SYNJ1: variants seen among roughly 807,000 people sequenced by gnomAD.
SYNJ1 encodes the protein polyphosphatidylinositol phosphatase SYNJ1.
SYNJ1 carries 78 observed loss-of-function variants against 168.2 expected under a neutral mutation model. The observed-to-expected ratio is 0.46, with a 90% CI of 0.39 to 0.56. The LOEUF (loss-of-function observed/expected upper bound fraction) is 0.56. SYNJ1 is among the 20% of genes least tolerant of loss of function. The pLI is 0.00. For missense variants in SYNJ1, 1,303 were observed against 1,597.6 expected (o/e 0.82, Z 3.14); for synonymous variants, 539 against 548.6 (o/e 0.98, Z 0.24).
Position 32,681,592 on chromosome 21 carries a change from A to C in SYNJ1, c.1257T>G (p.Thr419=), listed in dbSNP as rs76972835. The C allele has an allele frequency of 2.9e-5, 46 of 1,613,924 alleles. No individual in the cohort carries two copies. The African/African-American group carries it at 4.7e-4, about 16-fold the overall frequency. ...TTGACCGAAAAACTTCTTGAAAGCG[A>C]GTCACCAACTGAGGCTTTTCAGCTA... is the stretch of plus-strand genomic sequence containing the variant. The part of the protein sequence containing the change: ...LGLAEKPQLV[T]RFQEVFRSMW... The change falls in exon 11 of 33, where the codon ACT becomes ACG. Residue 419 remains threonine (T), a synonymous_variant. Coordinates refer to ENST00000674351, the MANE Select transcript of SYNJ1 (RefSeq NM_203446.3).
At chr21:32,666,703 G>C (rs1414300568) in intron 15 of SYNJ1, 130 bp from the exon 16 acceptor site, 1 of 948,102 alleles carries the variant, frequency 1.1e-6, no homozygotes, top group Admixed American at 3.8e-5. Context: ...GGCTGTTTTT[G>C]TTTCCTTTAA....
intron 6 of SYNJ1, among the ~76,000 whole-genome samples, chr21:32,691,061 C>T (rs1194696737): frequency 1.3e-5 from 2 of 152,184 alleles, no homozygotes; most frequent in African/African-American, 2.4e-5. Flanking sequence ...GTAGACCTTA[C>T]AATGTTTACC....
chr21:32,711,857 T>G (rs957927259), intron 2 of SYNJ1, among the ~76,000 whole-genome samples: 1 of 152,216 alleles, frequency 6.6e-6, no homozygotes, highest in African/African-American at 2.4e-5. Context: ...TAATCACACC[T>G]GCATTGCTAA....
At chr21:32,660,363 C>T (rs575454532) in intron 18 of SYNJ1, among the ~76,000 whole-genome samples, 27 of 152,340 alleles carry the variant, frequency 1.8e-4, no homozygotes, top group Admixed American at 5.2e-4. Context: ...CTAGATTAAC[C>T]AAGTACCAAA....
chr21:32,713,491 T>C (rs1057447059), intron 2 of SYNJ1, among the ~76,000 whole-genome samples: 3 of 136,080 alleles, frequency 2.2e-5, no homozygotes, highest in Middle Eastern at 4.2e-3. Flanking sequence ...ATTTCCCATA[T>C]GTCAACATGG....
chr21:32,700,178 C>T, intron 3 of SYNJ1, 73 bp from the exon 4 acceptor site: 1 of 1,476,794 alleles, frequency 6.8e-7, no homozygotes, highest in South Asian at 1.4e-5. Flanking sequence ...TCTTGCACCT[C>T]TATTTTTTAA....
At chr21:32,686,008 T>C in intron 8 of SYNJ1, 91 bp from the exon 9 acceptor site, 1 of 1,363,924 alleles carries the variant, frequency 7.3e-7, no homozygotes, top group South Asian at 1.4e-5. Flanking sequence ...ACACTGGCAA[T>C]AAATCTTTTC....
At chr21:32,710,540 T>C (rs78584287) in intron 2 of SYNJ1, among the ~76,000 whole-genome samples, 13 of 151,872 alleles carry the variant, frequency 8.6e-5, no homozygotes, top group African/African-American at 2.2e-4. Context: ...TTTTTTTTTT[T>C]CCCAAACAGG....
At chr21:32,713,145 T>C (rs2042890029) in intron 2 of SYNJ1, among the ~76,000 whole-genome samples, 1 of 152,100 alleles carries the variant, frequency 6.6e-6, no homozygotes, top group Non-Finnish European at 1.5e-5. Flanking sequence ...TCAACATGGA[T>C]GATTTCCCAT....
chr21:32,663,977 GAT>G (rs1177770158), intron 18 of SYNJ1, among the ~76,000 whole-genome samples: 1 of 152,182 alleles, frequency 6.6e-6, no homozygotes, highest in East Asian at 1.9e-4. Context: ...CATAATTAGA[GAT>G]ATGACAAAAC....
intron 18 of SYNJ1, among the ~76,000 whole-genome samples, chr21:32,663,896 G>A (rs1260664716): frequency 6.6e-6 from 1 of 152,164 alleles, no homozygotes; most frequent in East Asian, 1.9e-4. Flanking sequence ...GCTGAAGGTG[G>A]GGGTCTGTGG....
chr21:32,639,886 G>T, intron 29 of SYNJ1, 107 bp from the exon 30 acceptor site: 1 of 862,082 alleles, frequency 1.2e-6, no homozygotes, highest in Non-Finnish European at 1.8e-6. Context: ...TATGGTATTA[G>T]TCCCTAATTT....
Position 32,650,232 on chromosome 21 carries a change from T to C in SYNJ1, c.2989A>G (p.Thr997Ala), listed in dbSNP as rs1441891384. The C allele has an allele frequency of 2.5e-6, 4 of 1,613,742 alleles. No homozygotes were observed. The highest frequency in any genetic ancestry group is 2.2e-5 in the South Asian group (2 of 90,958). The change falls in exon 23 of 33, where the codon ACC becomes GCC. Residue 997 changes from threonine (T) to alanine (A), a missense_variant. Thr to Ala is a moderately conservative substitution (Grantham distance 58). Transcript: ENST00000674351. ...SIALPSSTSS[T>A]LLGEDAEVAA... ...ACCTCTGCATCTTCACCAAGCAGGG[T>C]AGAGCTTGTTGATGATGGCAATGCA...
In SYNJ1 at chr21:32,628,934, A is replaced by G. The variant is rs560750924; in HGVS notation, c.*2871T>C. On this transcript the variant is annotated 3_prime_UTR_variant, in exon 33 of 33. Coordinates refer to ENST00000674351, the MANE Select transcript of SYNJ1 (RefSeq NM_203446.3). ...TATAAACAGCAATCTAATATAGAGA[A>G]CACAGAGTTCACAAAGAGATCCTTA... is the stretch of plus-strand genomic sequence containing the variant. 7 of 152,790 alleles carry G rather than the reference A, an allele frequency of 4.6e-5. No individual in the cohort carries two copies. The highest frequency in any genetic ancestry group is 1.7e-4 in the African/African-American group (7 of 41,592). The allele number at this position is 152,790 out of a possible 1,614,324, so 9.5% of individuals were successfully genotyped here.
At chr21:32,642,985 A>G (rs893207590) in intron 27 of SYNJ1, among the ~76,000 whole-genome samples, 1 of 152,192 alleles carries the variant, frequency 6.6e-6, no homozygotes, top group Admixed American at 6.5e-5. Flanking sequence ...TGTTATCTGA[A>G]ATCAACTACA....
intron 15 of SYNJ1, 111 bp downstream of exon 15, chr21:32,670,177 A>G: frequency 1.3e-6 from 1 of 798,564 alleles, no homozygotes; most frequent in Non-Finnish European, 2.0e-6. Context: ...TTTTACGAGC[A>G]CCCTTCCATT....
chr21:32,726,385 A>G (rs780459863), intron 2 of SYNJ1, among the ~76,000 whole-genome samples: 3 of 152,222 alleles, frequency 2.0e-5, no homozygotes, highest in Non-Finnish European at 4.4e-5. Context: ...CTCCAACAAT[A>G]TTGGATAATA....
At chr21:32,655,571 T>A (rs2040424516) in intron 21 of SYNJ1, among the ~76,000 whole-genome samples, 1 of 152,046 alleles carries the variant, frequency 6.6e-6, no homozygotes, top group Admixed American at 6.6e-5. Context: ...CCCTTTAGGA[T>A]CTGGGGGTGT....
intron 29 of SYNJ1, among the ~76,000 whole-genome samples, chr21:32,641,376 T>C (rs187905959): frequency 1.3e-5 from 2 of 152,300 alleles, no homozygotes; most frequent in African/African-American, 4.8e-5. Context: ...AAAAGACACA[T>C]TCATCAGGTA....
Sources: allele counts gnomAD v4.1 joint callset (sites outside exome capture counted in the v4.1 genomes callset), GRCh38; gene constraint gnomAD v4.1.1; transcripts MANE v1.5; gene names NCBI Gene and HGNC (gene_info 2026-07-23, HGNC 2026-07-21).